Variants in CSMD1 observed in about 807,000 individuals in gnomAD.
CSMD1 encodes the protein CUB and sushi domain-containing protein 1.
In CSMD1, 213 loss-of-function variants were observed where a neutral mutation model predicts 417.5. The observed-to-expected ratio is 0.51, with a 90% CI of 0.46 to 0.57. The LOEUF is 0.57. Among genes scored for constraint, CSMD1 ranks in the 20% least tolerant of loss-of-function variants. CSMD1 has a pLI of 0.00. For missense variants in CSMD1, 6,923 were observed against 4,529.7 expected (o/e 1.53, Z -15.17); for synonymous variants, 2,862 against 1,736.8 (o/e 1.65, Z -16.11).
chr8:3,075,915 G>A (rs1226164364), intron 49 of CSMD1, among the ~76,000 whole-genome samples: 2 of 151,558 alleles, frequency 1.3e-5, no homozygotes, highest in African/African-American at 2.4e-5. Context: ...GCCGGGCGTG[G>A]TGGCGGGCGC....
intron 12 of CSMD1, among the ~76,000 whole-genome samples, chr8:3,445,491 C>G (rs955454616): frequency 6.6e-6 from 1 of 152,082 alleles, no homozygotes; most frequent in Non-Finnish European, 1.5e-5. Flanking sequence ...CAGATGGAAC[C>G]AAGCCTCTAT....
intron 4 of CSMD1, among the ~76,000 whole-genome samples, chr8:4,007,886 T>A (rs1816248871): frequency 6.6e-6 from 1 of 151,974 alleles, no homozygotes. Context: ...TCTGTGGCTT[T>A]CTTAAGAATG....
intron 1 of CSMD1, among the ~76,000 whole-genome samples, chr8:4,659,126 G>A (rs144348361): frequency 2.0e-5 from 3 of 151,884 alleles, no homozygotes; most frequent in African/African-American, 7.2e-5. Flanking sequence ...TACAAAAATG[G>A]GTCAAAGAAG....
intron 10 of CSMD1, among the ~76,000 whole-genome samples, chr8:3,523,115 C>A (rs1402796983): frequency 2.6e-5 from 4 of 151,832 alleles, no homozygotes; most frequent in Non-Finnish European, 5.9e-5. Context: ...TACATCTGCA[C>A]ATTTTTCCTA....
At chr8:3,854,739 G>A (rs1205490329) in intron 5 of CSMD1, among the ~76,000 whole-genome samples, 1 of 133,160 alleles carries the variant, frequency 7.5e-6, no homozygotes, top group African/African-American at 3.1e-5. Flanking sequence ...AGAAACTCCA[G>A]AGGGGGTAAA....
intron 51 of CSMD1, among the ~76,000 whole-genome samples, chr8:3,026,112 G>A (rs144278088): frequency 0.017 from 2,587 of 152,170 alleles, 48 homozygotes; most frequent in Admixed American, 0.039. Flanking sequence ...TGATTTGGAT[G>A]GGAACAGCCT....
chr8:4,414,270 C>T (rs1164934546), intron 3 of CSMD1, among the ~76,000 whole-genome samples: 1 of 152,176 alleles, frequency 6.6e-6, no homozygotes, highest in Admixed American at 6.5e-5. Flanking sequence ...ATTCAGCCAA[C>T]AGAGTGACAC....
At chr8:4,844,925 T>C (rs986073210) in intron 1 of CSMD1, among the ~76,000 whole-genome samples, 11 of 152,178 alleles carry the variant, frequency 7.2e-5, no homozygotes, top group Non-Finnish European at 1.5e-5. Context: ...TAACTTCGTG[T>C]TTCCCAAATA....
At chr8:4,940,390 C>A (rs572086465) in intron 1 of CSMD1, among the ~76,000 whole-genome samples, 1 of 152,166 alleles carries the variant, frequency 6.6e-6, no homozygotes, top group African/African-American at 2.4e-5. Flanking sequence ...AGTTATATTA[C>A]ATGAGTTAAG....
In CSMD1 at chr8:4,335,488, A is replaced by G. The variant is rs541566570; in HGVS notation, c.415+84465T>C. 2.0e-5 allele frequency among the ~76,000 whole-genome samples: 3 copies of G among 152,238 alleles called. No homozygotes were observed. The South Asian group carries it at 6.2e-4, about 32-fold the overall frequency. On this transcript the variant is annotated intron_variant, in intron 3 of 69. Transcript: ENST00000635120. ...AATTTATATGGACTCCAGAATACAA[A>G]TGTCCTGAACAAACGAAGTCATCAC...
chr8:3,225,742 A>G (rs768595679), intron 27 of CSMD1, among the ~76,000 whole-genome samples: 12 of 152,206 alleles, frequency 7.9e-5, no homozygotes, highest in Non-Finnish European at 5.9e-5. Flanking sequence ...AAATGAGGTG[A>G]TTTAAAAGCT....
At chr8:4,102,730 G>C (rs934583391) in intron 3 of CSMD1, among the ~76,000 whole-genome samples, 3 of 152,142 alleles carry the variant, frequency 2.0e-5, no homozygotes, top group African/African-American at 7.2e-5. Flanking sequence ...TTTTAGACAA[G>C]ATATTGGAAG....
intron 10 of CSMD1, among the ~76,000 whole-genome samples, chr8:3,559,554 T>C (rs73505745): frequency 0.063 from 9,523 of 152,110 alleles, 779 homozygotes; most frequent in African/African-American, 0.19. Flanking sequence ...AGGAAAAGAA[T>C]TGGGTTTTTG....
At chr8:4,209,285 C>T (rs1355191166) in intron 3 of CSMD1, among the ~76,000 whole-genome samples, 1 of 152,166 alleles carries the variant, frequency 6.6e-6, no homozygotes, top group Non-Finnish European at 1.5e-5. Flanking sequence ...CTTCATTTCA[C>T]AGCTTGCTCT....
At chr8:3,522,312 G>C (rs544011283) in intron 10 of CSMD1, among the ~76,000 whole-genome samples, 1 of 152,136 alleles carries the variant, frequency 6.6e-6, no homozygotes, top group Non-Finnish European at 1.5e-5. Flanking sequence ...AGAAAAAAGA[G>C]GAGAGGAAAT....
intron 12 of CSMD1, among the ~76,000 whole-genome samples, chr8:3,459,404 C>A (rs1398273613): frequency 6.6e-6 from 1 of 152,182 alleles, no homozygotes; most frequent in African/African-American, 2.4e-5. Flanking sequence ...AACTTCCTTG[C>A]AATGCAGCAC....
At chr8:4,461,160 T>C (rs1390773242) in intron 2 of CSMD1, among the ~76,000 whole-genome samples, 1 of 29,752 alleles carries the variant, frequency 3.4e-5, no homozygotes, top group East Asian at 7.8e-4. Flanking sequence ...CTGATTGTCT[T>C]ACCAGATAAA....
intron 10 of CSMD1, 94 bp downstream of exon 10, chr8:3,574,851 G>A (rs1366989421): frequency 2.9e-6 from 4 of 1,392,226 alleles, no homozygotes; most frequent in Non-Finnish European, 3.9e-6. Flanking sequence ...TAAAGTGTAA[G>A]CACGGATAGC....
At chr8:3,366,456 G>A (rs900218727) in intron 20 of CSMD1, among the ~76,000 whole-genome samples, 1 of 152,162 alleles carries the variant, frequency 6.6e-6, no homozygotes, top group Non-Finnish European at 1.5e-5. Context: ...AATTTCTGCT[G>A]TAACATAAAC....
Sources: allele counts gnomAD v4.1 joint callset (sites outside exome capture counted in the v4.1 genomes callset), GRCh38; gene constraint gnomAD v4.1.1; transcripts MANE v1.5; gene names NCBI Gene and HGNC (gene_info 2026-07-23, HGNC 2026-07-21).